The following MMAB variants were observed in gnomAD, a reference collection of about 807,000 sequenced individuals.
The protein encoded by MMAB is corrinoid adenosyltransferase MMAB.
MMAB carries 17 observed loss-of-function variants against 30.6 expected under a neutral mutation model. The observed-to-expected ratio is 0.56, with a 90% CI of 0.38 to 0.83. MMAB has a LOEUF of 0.83. MMAB is among the 40% of genes least tolerant of loss of function. MMAB has a pLI of 0.00. For missense variants in MMAB, 311 were observed against 331.6 expected, an observed-to-expected ratio of 0.94 and a Z score of 0.48; for synonymous variants, 134 against 138.6, an observed-to-expected ratio of 0.97 and a Z score of 0.23.
rs1050155290 is a variant in MMAB, at chr12:109,554,077, C to A, written c.*2951G>T. The A allele has an allele frequency of 2.4e-5, 11 of 454,136 alleles. No homozygotes were observed. Among genetic ancestry groups the A allele is most frequent in the East Asian group, 2.1e-4 (3 of 14,400 alleles). The allele number at this position is 454,136 out of a possible 1,614,324, so 28.1% of individuals were successfully genotyped here. A position where few individuals can be genotyped will look rare whatever the true frequency, so the allele number is the denominator to read the frequency against. On this transcript the variant is annotated 3_prime_UTR_variant, in exon 9 of 9. Coordinates refer to ENST00000545712, the MANE Select transcript of MMAB (RefSeq NM_052845.4). ...GCCACAGCCCAGGTAGTGATTAAAA[C>A]GACTGTCAAGCGGCAGTGGGTGGGA...
In MMAB at chr12:109,561,475, T is replaced by A; in HGVS notation, c.464A>T (p.Gln155Leu). The A allele has an allele frequency of 6.4e-7, 1 of 1,550,612 alleles. No individual in the cohort carries two copies. Among genetic ancestry groups the A allele is most frequent in the East Asian group, 2.4e-5 (1 of 40,910 alleles). ...FKAGPILELEQWIDKYTSQLP... is the reference protein window; with the variant it reads ...FKAGPILELELWIDKYTSQLP... ...CTGGCTGGTGTACTTGTCGATCCAC[T>A]GCTCCAGCTCCAGGATGGGCCCCGC... Residue 155 changes from glutamine (Q) to leucine (L), a missense_variant, in exon 6 of 9, where the codon CAG becomes CTG. Physicochemically the swap from Gln to Leu is moderately radical, Grantham distance 113 (BLOSUM62 -2). Coordinates refer to ENST00000545712, the MANE Select transcript of MMAB (RefSeq NM_052845.4). This position sits in a 1 kb window ranked among gnomAD's most constrained non-coding sequence, Gnocchi z 5.3.
At position 109,561,592 on chromosome 12, in the gene MMAB, G is replaced by A. The variant is rs544786266; in HGVS notation, c.422-75C>T. 3.2e-5 allele frequency: 43 copies of A among 1,337,338 alleles called. 1 individual carries two copies. In the East Asian group the frequency reaches 5.3e-4, roughly 16 times the overall value. 82.8% of individuals were successfully genotyped at this position (1,337,338 alleles called of 1,614,324 possible). ...GACCATGGCGGGAACCACCCCCGCC[G>A]CCCTTCCACCTGGGTGTCCCGCAGA... On this transcript the variant is annotated intron_variant, in intron 5 of 8. Coordinates refer to ENST00000545712, the MANE Select transcript of MMAB (RefSeq NM_052845.4). This position sits in a 1 kb window ranked among gnomAD's most constrained non-coding sequence, Gnocchi z 5.3.
rs1312928655 is a variant in MMAB, at chr12:109,557,089, T to A, written c.692A>T (p.Glu231Val). ...FTLARYAAMK[E>V]GNQEKIYMKN... ...CATGTATATTTTCTCTTGATTCCCCTCCTTCATGGCTGCATATCTGGCTAG... is the reference window on the plus strand; with the variant it reads ...CATGTATATTTTCTCTTGATTCCCCACCTTCATGGCTGCATATCTGGCTAG... Residue 231 changes from glutamate to valine, a missense_variant, in exon 9 of 9, where the codon GAG (glutamate) becomes GTG (valine). Transcript: ENST00000545712. The A allele has an allele frequency of 1.9e-6, 3 of 1,613,806 alleles. No homozygotes were observed. The highest frequency in any genetic ancestry group is 2.5e-6 in the Non-Finnish European group (3 of 1,179,790).
Position 109,561,714 on chromosome 12 carries a change from T to G in MMAB, c.421+66A>C. The G allele has an allele frequency of 6.9e-7, 1 of 1,457,776 alleles. No individual in the cohort carries two copies. The highest frequency in any genetic ancestry group is 9.4e-7 in the Non-Finnish European group (1 of 1,059,666). The allele number at this position is 1,457,776 out of a possible 1,614,324, so 90.3% of individuals were successfully genotyped here. A position where few individuals can be genotyped will look rare whatever the true frequency, so the allele number is the denominator to read the frequency against. ...GTCCCTGGGGGCCTGGGATCCCAGATGGTGACCCTAGGAGAGTCCCCTGAC... is the reference window on the plus strand; with the variant it reads ...GTCCCTGGGGGCCTGGGATCCCAGAGGGTGACCCTAGGAGAGTCCCCTGAC... On this transcript the variant is annotated intron_variant, in intron 5 of 8. Coordinates refer to ENST00000545712, the MANE Select transcript of MMAB (RefSeq NM_052845.4). This position sits in a 1 kb window ranked among gnomAD's most constrained non-coding sequence, Gnocchi z 5.3.
At chr12:109,566,986 C>T (rs1566135587) in intron 3 of MMAB, 1 of 455,944 alleles carries the variant, frequency 2.2e-6, no homozygotes, top group Admixed American at 2.4e-5. Context: ...TCTGTACCTC[C>T]CATTATCTGT....
In MMAB at chr12:109,567,023, G is replaced by A. The variant is rs376366686; in HGVS notation, c.290+1747C>T. 358 of 455,980 alleles carry A rather than the reference G, an allele frequency of 7.9e-4. 4 individuals are homozygous for A. Among genetic ancestry groups the A allele is most frequent in the African/African-American group, 6.1e-3 (308 of 50,110 alleles). 28.2% of individuals were successfully genotyped at this position (455,980 alleles called of 1,614,324 possible). On this transcript the variant is annotated intron_variant, in intron 3 of 8. Coordinates refer to ENST00000545712, the MANE Select transcript of MMAB (RefSeq NM_052845.4). ...CCGAAAATCTCACCTAGTCAGGCCC[G>A]CCATGGAGAAATGGTAGCCAGGAAC...
chr12:109,568,822 C>A lies in MMAB; in HGVS notation c.238G>T (p.Asp80Tyr). 1.2e-6 allele frequency: 2 copies of A among 1,614,172 alleles called. No individual in the cohort carries two copies. The highest frequency in any genetic ancestry group is 1.1e-5 in the South Asian group (1 of 91,068). ...TFTGERRPKDDQVFEAVGTTD... is the reference protein window; with the variant it reads ...TFTGERRPKDYQVFEAVGTTD... Reference sequence around the variant, plus strand: ...GTTCCCACGGCTTCAAACACTTGGTCATCTTTGGGTCTCCTTTCTCCTGTG... The same window carrying A: ...GTTCCCACGGCTTCAAACACTTGGTAATCTTTGGGTCTCCTTTCTCCTGTG... Residue 80 changes from aspartate to tyrosine, a missense_variant, in exon 3 of 9, where the codon GAC becomes TAC. Physicochemically the swap from Asp to Tyr is radical, Grantham distance 160 (BLOSUM62 -3). Transcript: ENST00000545712.
In MMAB at chr12:109,561,546, C is replaced by T; in HGVS notation, c.422-29G>A. On this transcript the variant is annotated intron_variant, in intron 5 of 8. Transcript: ENST00000545712. The surrounding 1 kb of genome is among the most constrained non-coding windows in gnomAD (Gnocchi z 5.3). ...AGGAGCCAAGGAGCAGAGGGAACTG[C>T]CATGAGGCCATCACCCACCAGACCA... 1 of 1,526,796 alleles carries T rather than the reference C, an allele frequency of 6.5e-7. No homozygotes were observed. Among genetic ancestry groups the T allele is most frequent in the Non-Finnish European group, 8.8e-7 (1 of 1,130,810 alleles). 94.6% of individuals were successfully genotyped at this position (1,526,796 alleles called of 1,614,324 possible).
chr12:109,565,886 G>A (rs533645268), intron 3 of MMAB, among the ~76,000 whole-genome samples: 48 of 152,282 alleles, frequency 3.2e-4, no homozygotes, highest in African/African-American at 1.1e-3. Flanking sequence ...CAGGACCCTG[G>A]CTCTGCCTCC....
Position 109,554,635 on chromosome 12 carries a change from G to C in MMAB, c.*2393C>G, listed in dbSNP as rs1883900213. Reference sequence around the variant, plus strand: ...TGGTGTGCAAACACTGGGGCAGCGGGGGCTTCGCAGTCACATTTCCTGACT... The same window carrying C: ...TGGTGTGCAAACACTGGGGCAGCGGCGGCTTCGCAGTCACATTTCCTGACT... On this transcript the variant is annotated 3_prime_UTR_variant, in exon 9 of 9. Coordinates refer to ENST00000545712, the MANE Select transcript of MMAB (RefSeq NM_052845.4). 1 of 454,138 alleles carries C rather than the reference G, an allele frequency of 2.2e-6. No homozygotes were observed. The allele number at this position is 454,138 out of a possible 1,614,324, so 28.1% of individuals were successfully genotyped here.
chr12:109,572,411 ATTTT>A (rs34992643), intron 1 of MMAB, among the ~76,000 whole-genome samples: 8 of 119,060 alleles, frequency 6.7e-5, no homozygotes, highest in African/African-American at 2.8e-4. Flanking sequence ...CACCCAGCTA[ATTTT>A]TTTTTTTTTT....
Position 109,561,374 on chromosome 12 carries a change from T to G in MMAB, c.519+46A>C, listed in dbSNP as rs1485854407. 1 of 1,545,478 alleles carries G rather than the reference T, an allele frequency of 6.5e-7. No individual in the cohort carries two copies. Among genetic ancestry groups the G allele is most frequent in the Non-Finnish European group, 8.7e-7 (1 of 1,145,224 alleles). On this transcript the variant is annotated intron_variant, in intron 6 of 8. Coordinates refer to ENST00000545712, the MANE Select transcript of MMAB (RefSeq NM_052845.4). This position sits in a 1 kb window ranked among gnomAD's most constrained non-coding sequence, Gnocchi z 5.3. ...TTCAGAGCCCATGTGTGTCTGTCAC[T>G]GAACCTGCCTGCAGCCGCCCCCGGT...
rs1368577039 is a variant in MMAB at position 109,561,362 on chromosome 12, T to C, written c.519+58A>G. 4 of 1,542,892 alleles carry C rather than the reference T, an allele frequency of 2.6e-6. No homozygotes were observed. Among genetic ancestry groups the C allele is most frequent in the Non-Finnish European group, 3.5e-6 (4 of 1,144,562 alleles). ...AAGAGGGATTTATTCAGAGCCCATG[T>C]GTGTCTGTCACTGAACCTGCCTGCA... On this transcript the variant is annotated intron_variant, in intron 6 of 8. Coordinates refer to ENST00000545712, the MANE Select transcript of MMAB (RefSeq NM_052845.4). This position sits in a 1 kb window ranked among gnomAD's most constrained non-coding sequence, Gnocchi z 5.3.
In MMAB at chr12:109,554,500, A is replaced by G. The variant is rs1283546907; in HGVS notation, c.*2528T>C. On this transcript the variant is annotated 3_prime_UTR_variant, in exon 9 of 9. Coordinates refer to ENST00000545712, the MANE Select transcript of MMAB (RefSeq NM_052845.4). ...TATTTTCCAAAATCAAATTATGAAA[A>G]AAATCTACGATAAGCAAGGGATCAC... The G allele has an allele frequency of 1.5e-5, 7 of 454,048 alleles. No homozygotes were observed. The highest frequency in any genetic ancestry group is 1.2e-4 in the Admixed American group (5 of 42,560). 28.1% of individuals were successfully genotyped at this position (454,048 alleles called of 1,614,324 possible). A position where few individuals can be genotyped will look rare whatever the true frequency, so the allele number is the denominator to read the frequency against.
In MMAB at chr12:109,554,591, T is replaced by C. The variant is rs1232403153; in HGVS notation, c.*2437A>G. 2.2e-6 allele frequency: 1 copy of C among 454,132 alleles called. No individual in the cohort carries two copies. The highest frequency in any genetic ancestry group is 4.4e-6 in the Non-Finnish European group (1 of 226,798). The allele number at this position is 454,132 out of a possible 1,614,324, so 28.1% of individuals were successfully genotyped here. A position where few individuals can be genotyped will look rare whatever the true frequency, so the allele number is the denominator to read the frequency against. Reference sequence around the variant, plus strand: ...CGTGTTCCCGTGCAATGGGACTGATTGTTTCTGAGAGTTGCCAGTGGTGTG... The same window carrying C: ...CGTGTTCCCGTGCAATGGGACTGATCGTTTCTGAGAGTTGCCAGTGGTGTG... On this transcript the variant is annotated 3_prime_UTR_variant, in exon 9 of 9. Coordinates refer to ENST00000545712, the MANE Select transcript of MMAB (RefSeq NM_052845.4).
chr12:109,560,954 T>G, intron 7 of MMAB, 86 bp downstream of exon 7: 2 of 1,162,174 alleles, frequency 1.7e-6, no homozygotes, highest in Non-Finnish European at 1.2e-6. Flanking sequence ...TCTCCCCATC[T>G]CCGTCCTCCT....
chr12:109,557,529 G>A (rs996525552), intron 8 of MMAB, among the ~76,000 whole-genome samples: 7 of 152,230 alleles, frequency 4.6e-5, no homozygotes, highest in African/African-American at 7.2e-5. Flanking sequence ...GGATCTCAGC[G>A]ACGTGCAGAT....
intron 3 of MMAB, chr12:109,566,872 C>A (rs1490467951): frequency 4.7e-6 from 2 of 425,444 alleles, no homozygotes; most frequent in African/African-American, 4.1e-5. Context: ...CGAGAACTGG[C>A]CTTTTCTCCC....
chr12:109,561,743 AG>A lies in MMAB; in HGVS notation c.421+36del. The A allele has an allele frequency of 2.6e-6, 4 of 1,563,826 alleles. No homozygotes were observed. The highest frequency in any genetic ancestry group is 2.6e-6 in the Non-Finnish European group (3 of 1,146,426). On this transcript the variant is annotated intron_variant, in intron 5 of 8. Coordinates refer to ENST00000545712, the MANE Select transcript of MMAB (RefSeq NM_052845.4). This position sits in a 1 kb window ranked among gnomAD's most constrained non-coding sequence, Gnocchi z 5.3. Reference sequence around the variant, plus strand: ...GACCCTAGGAGAGTCCCCTGACCCTAGGGCCCTCTGAACACCCACAGGAGTT... The same window carrying A: ...GACCCTAGGAGAGTCCCCTGACCCTAGGCCCTCTGAACACCCACAGGAGTT...
Sources: gnomAD v4.1 joint callset for allele counts (sites outside exome capture counted in the v4.1 genomes callset) on GRCh38, gnomAD v4.1.1 for gene constraint, Gnocchi (gnomAD v3.1) non-coding constraint, MANE v1.5 for transcripts, NCBI Gene and HGNC (gene_info 2026-07-23, HGNC 2026-07-21) for gene names.